CACNG4: variants seen among roughly 807,000 people sequenced by gnomAD.
The protein encoded by CACNG4 is voltage-dependent calcium channel gamma-4 subunit.
CACNG4 carries 8 observed loss-of-function variants against 22.9 expected under a neutral mutation model. The ratio of observed to expected loss-of-function variants is 0.35; its 90% CI spans 0.21 to 0.63. The LOEUF (loss-of-function observed/expected upper bound fraction) is 0.63, where lower values mean the gene tolerates loss of function less well. Ranked by LOEUF, CACNG4 falls within the 30% of genes least tolerant of loss-of-function variation. CACNG4 has a pLI of 0.72. For missense variants in CACNG4, 357 were observed against 455.4 expected (o/e 0.78, Z 1.97); for synonymous variants, 188 against 191.9 (o/e 0.98, Z 0.17).
At chr17:67,007,716 C>T (rs114430803) in intron 1 of CACNG4, among the ~76,000 whole-genome samples, 1 of 152,302 alleles carries the variant, frequency 6.6e-6, no homozygotes, top group African/African-American at 2.4e-5. Context: ...GTCCTGTTCT[C>T]CTCTTGTATT....
chr17:66,991,427 T>G (rs575843960), intron 1 of CACNG4, among the ~76,000 whole-genome samples: 1 of 151,814 alleles, frequency 6.6e-6, no homozygotes, highest in Non-Finnish European at 1.5e-5. Flanking sequence ...ATAAGAGGAG[T>G]GCCCCCTCTC....
At position 66,970,328 on chromosome 17, in the gene CACNG4, G is replaced by A. The variant is rs74992025; in HGVS notation, c.220+5197G>A. Among the ~76,000 whole-genome samples the A allele has an allele frequency of 1.7e-3, 263 of 152,312 alleles. 4 individuals carry two copies. The East Asian group carries it at 0.045, about 26-fold the overall frequency. On this transcript the variant is annotated intron_variant, in intron 1 of 3. Transcript: ENST00000262138. The stretch of plus-strand genomic sequence containing the variant: ...GTTGTTGGAGTCAGCTTGGGCTGAC[G>A]TCATAAAATATGATAGACTGGGTGG...
chr17:66,977,468 G>C (rs368440197), intron 1 of CACNG4, among the ~76,000 whole-genome samples: 3 of 152,336 alleles, frequency 2.0e-5, no homozygotes, highest in African/African-American at 7.2e-5. Context: ...TTTGAATCCT[G>C]CTCTGCCCTG....
chr17:66,972,938 A>C (rs2035213589), intron 1 of CACNG4, among the ~76,000 whole-genome samples: 1 of 147,878 alleles, frequency 6.8e-6, no homozygotes, highest in Non-Finnish European at 1.5e-5. Context: ...AAACAAAAAC[A>C]AAAACAAACA....
intron 1 of CACNG4, among the ~76,000 whole-genome samples, chr17:66,989,096 A>G (rs1439128849): frequency 6.7e-6 from 1 of 150,290 alleles, no homozygotes; most frequent in Non-Finnish European, 1.5e-5. Flanking sequence ...AGAGAGTTAA[A>G]TGAGAAGAGA....
intron 1 of CACNG4, among the ~76,000 whole-genome samples, chr17:67,010,497 T>G (rs1033242408): frequency 6.6e-6 from 1 of 152,194 alleles, no homozygotes; most frequent in Non-Finnish European, 1.5e-5. Context: ...TGTTAGCCTG[T>G]CTACCATATA....
rs2035265745 is a variant in CACNG4 at position 66,980,599 on chromosome 17, A to G, written c.220+15468A>G. Among the ~76,000 whole-genome samples the G allele has an allele frequency of 2.0e-5, 3 of 149,428 alleles. No individual in the cohort carries two copies. The South Asian group carries it at 6.3e-4, about 31-fold the overall frequency. ...CTTTTACCTCAAAAATTTTCCATTG[A>G]CAATTCCCTTTGTGTAAATTCTTTT... On this transcript the variant is annotated intron_variant, in intron 1 of 3. Coordinates refer to ENST00000262138, the MANE Select transcript of CACNG4 (RefSeq NM_014405.4).
chr17:67,031,328 A>G lies in CACNG4; in HGVS notation c.*324A>G. 1 of 544,958 alleles carries G rather than the reference A, an allele frequency of 1.8e-6. No individual in the cohort carries two copies. The highest frequency in any genetic ancestry group is 3.5e-6 in the Non-Finnish European group (1 of 285,480). 33.8% of individuals were successfully genotyped at this position (544,958 alleles called of 1,614,324 possible). A position where few individuals can be genotyped will look rare whatever the true frequency, so the allele number is the denominator to read the frequency against. On this transcript the variant is annotated 3_prime_UTR_variant, in exon 4 of 4. Transcript: ENST00000262138. The surrounding 1 kb of genome is among the most constrained non-coding windows in gnomAD (Gnocchi z 4.0). Reference sequence around the variant, plus strand: ...TGATCAACTTGGGAAGACAAAATTGAGCCATTATCTCCTCTTGGAAACGAA... The same window carrying G: ...TGATCAACTTGGGAAGACAAAATTGGGCCATTATCTCCTCTTGGAAACGAA...
chr17:66,964,866 G>C lies in CACNG4; in HGVS notation c.-46G>C. On this transcript the variant is annotated 5_prime_UTR_variant, in exon 1 of 4. Coordinates refer to ENST00000262138, the MANE Select transcript of CACNG4 (RefSeq NM_014405.4). ...CGCGCGGAGGGAGGAGGGCGGGCGG[G>C]CGCGGCGGGCCGGGCCGGCGGGCGG... 3 of 1,214,304 alleles carry C rather than the reference G, an allele frequency of 2.5e-6. No homozygotes were observed. Among genetic ancestry groups the C allele is most frequent in the Non-Finnish European group, 3.1e-6 (3 of 962,410 alleles). 75.2% of individuals were successfully genotyped at this position (1,214,304 alleles called of 1,614,324 possible). A position where few individuals can be genotyped will look rare whatever the true frequency, so the allele number is the denominator to read the frequency against.
At chr17:67,014,943 CAAAAA>C (rs1163062678) in intron 1 of CACNG4, among the ~76,000 whole-genome samples, 2 of 95,358 alleles carry the variant, frequency 2.1e-5, no homozygotes, top group African/African-American at 5.9e-5. Context: ...TCTCCAAAAA[CAAAAA>C]AAAAAAAAAA....
intron 1 of CACNG4, among the ~76,000 whole-genome samples, chr17:67,009,323 G>A (rs1290041531): frequency 6.6e-6 from 1 of 152,124 alleles, no homozygotes; most frequent in Non-Finnish European, 1.5e-5. Flanking sequence ...TCTCAGTGCT[G>A]GAATGATCTT....
At chr17:67,005,136 G>T (rs1224234095) in intron 1 of CACNG4, among the ~76,000 whole-genome samples, 1 of 152,190 alleles carries the variant, frequency 6.6e-6, no homozygotes, top group Non-Finnish European at 1.5e-5. Context: ...CTGGCATCCT[G>T]GACCACTCAA....
At chr17:67,003,149 C>A (rs115862913) in intron 1 of CACNG4, among the ~76,000 whole-genome samples, 4,352 of 152,090 alleles carry the variant, frequency 0.029, 204 homozygotes, top group African/African-American at 0.1. Flanking sequence ...GTTTTAAGTA[C>A]ATACCATGGG....
intron 1 of CACNG4, among the ~76,000 whole-genome samples, chr17:66,977,541 T>A (rs895474174): frequency 1.3e-5 from 2 of 152,168 alleles, no homozygotes; most frequent in Non-Finnish European, 2.9e-5. Context: ...TTTTCTCATC[T>A]GTAAAATGGG....
rs568142761 is a variant in CACNG4, at chr17:67,015,063, C to T, written c.221-3126C>T. Among the ~76,000 whole-genome samples the T allele has an allele frequency of 1.5e-4, 23 of 152,266 alleles. No homozygotes were observed. In the South Asian group the frequency reaches 4.1e-3, roughly 27 times the overall value. On this transcript the variant is annotated intron_variant, in intron 1 of 3. Transcript: ENST00000262138. The stretch of plus-strand genomic sequence containing the variant: ...AGAGAACAATCTCATTCACTCTCCA[C>T]GGGGCTGAAGACAGCTTGTGCCCTT...
At chr17:66,985,286 A>G (rs1410480238) in intron 1 of CACNG4, among the ~76,000 whole-genome samples, 1 of 152,230 alleles carries the variant, frequency 6.6e-6, no homozygotes, top group Non-Finnish European at 1.5e-5. Flanking sequence ...TCATTCATTC[A>G]TTCAGCAAAT....
At chr17:67,000,729 G>A (rs990905235) in intron 1 of CACNG4, among the ~76,000 whole-genome samples, 13 of 151,498 alleles carry the variant, frequency 8.6e-5, no homozygotes, top group South Asian at 4.1e-4. Context: ...CTTTCGGGAC[G>A]GGGGGAGGGA....
At chr17:66,996,662 T>G (rs773531752) in intron 1 of CACNG4, among the ~76,000 whole-genome samples, 1 of 152,212 alleles carries the variant, frequency 6.6e-6, no homozygotes, top group African/African-American at 2.4e-5. Flanking sequence ...ATTATGGGCA[T>G]GAGCCAGCGT....
chr17:67,013,870 A>C (rs2035481593), intron 1 of CACNG4, among the ~76,000 whole-genome samples: 1 of 152,124 alleles, frequency 6.6e-6, no homozygotes, highest in South Asian at 2.1e-4. Flanking sequence ...AGGGATATAC[A>C]CGTGTGCAGA....
Sources: gnomAD v4.1 joint callset for allele counts (sites outside exome capture counted in the v4.1 genomes callset) on GRCh38, gnomAD v4.1.1 for gene constraint, Gnocchi (gnomAD v3.1) non-coding constraint, MANE v1.5 for transcripts, NCBI Gene and HGNC (gene_info 2026-07-23, HGNC 2026-07-21) for gene names.